Variants in TEX14 observed in about 807,000 individuals in gnomAD.
TEX14 encodes testis expressed 14, intercellular bridge forming factor, also known as inactive serine/threonine-protein kinase TEX14.
A neutral mutation model predicts 178.6 loss-of-function variants in TEX14; 168 were observed. The observed-to-expected ratio is 0.94, with a 90% CI of 0.83 to 1.07. The LOEUF is 1.07. Ranked by LOEUF, TEX14 falls within the 50% of genes least tolerant of loss-of-function variation. The pLI, the probability that TEX14 is intolerant of heterozygous loss-of-function variation, is 0.00. For synonymous variants in TEX14, 626 were observed against 634.1 expected, an observed-to-expected ratio of 0.99 and a Z score of 0.19; for missense variants, 1,730 against 1,753.6, an observed-to-expected ratio of 0.99 and a Z score of 0.24.
At chr17:58,678,252 T>G (rs28380401) in intron 1 of TEX14, among the ~76,000 whole-genome samples, 13,943 of 152,250 alleles carry the variant, frequency 0.092, 934 homozygotes, top group East Asian at 0.31. Context: ...GGAAGGACAC[T>G]GGAAGACAGT....
intron 1 of TEX14, among the ~76,000 whole-genome samples, chr17:58,666,154 C>T (rs2047199586): frequency 6.6e-6 from 1 of 151,892 alleles, no homozygotes; most frequent in South Asian, 2.1e-4. Context: ...ACCAGCCTTG[C>T]CAACATGGTA....
chr17:58,606,949 C>T (rs1376703314), intron 10 of TEX14, among the ~76,000 whole-genome samples: 4 of 142,800 alleles, frequency 2.8e-5, no homozygotes, highest in East Asian at 2.1e-4. Flanking sequence ...TGCTTGAATC[C>T]GGGAGGCAGA....
intron 1 of TEX14, chr17:58,666,458 C>CAAACAAAAA (rs1555583923): frequency 3.0e-4 from 11 of 36,814 alleles, no homozygotes; most frequent in Middle Eastern, 0.024. Context: ...CCTTCCACGG[C>CAAACAAAAA]AAAAAAAAAA....
At chr17:58,680,223 G>A (rs302864) in intron 1 of TEX14, among the ~76,000 whole-genome samples, 9,254 of 152,052 alleles carry the variant, frequency 0.061, 414 homozygotes, top group Non-Finnish European at 0.094. Context: ...GCTTTCTTGC[G>A]CAGTTAAACA....
chr17:58,614,643 T>C (rs1359373914), intron 8 of TEX14, among the ~76,000 whole-genome samples: 1 of 152,242 alleles, frequency 6.6e-6, no homozygotes, highest in Non-Finnish European at 1.5e-5. Flanking sequence ...AAGAAGAATG[T>C]GGCCTCTCTA....
intron 2 of TEX14, among the ~76,000 whole-genome samples, chr17:58,636,702 C>T (rs2046440040): frequency 6.6e-6 from 1 of 151,546 alleles, no homozygotes; most frequent in South Asian, 2.1e-4. Context: ...CACCCGAGGT[C>T]AGGAGTTCAA....
chr17:58,604,911 C>T, intron 11 of TEX14, 67 bp downstream of exon 11: 2 of 1,557,892 alleles, frequency 1.3e-6, no homozygotes. Flanking sequence ...TCAGTAACTC[C>T]TGTGGGGGGA....
At position 58,558,454 on chromosome 17, in the gene TEX14, AAAGT is replaced by A. The variant is rs796157841; in HGVS notation, c.4268-608_4268-605del. 5.9e-4 allele frequency among the ~76,000 whole-genome samples: 90 copies of A among 152,316 alleles called. 1 individual carries two copies. The highest frequency in any genetic ancestry group is 2.1e-3 in the African/African-American group (86 of 41,578). On this transcript the variant is annotated intron_variant, in intron 30 of 31. Transcript: ENST00000349033. The stretch of plus-strand genomic sequence containing the variant: ...AAGGTGCTGAAGTAAGCAGTGAGGC[AAAGT>A]AATACCCCAAATTCTCTCTAGCCCC...
chr17:58,589,098 C>T (rs1483284599), intron 15 of TEX14, among the ~76,000 whole-genome samples: 1 of 151,758 alleles, frequency 6.6e-6, no homozygotes, highest in African/African-American at 2.4e-5. Flanking sequence ...AAACTCTATA[C>T]TAAAAAAACA....
chr17:58,631,465 A>G (rs1446968797), intron 2 of TEX14, among the ~76,000 whole-genome samples: 1 of 152,168 alleles, frequency 6.6e-6, no homozygotes, highest in Non-Finnish European at 1.5e-5. Flanking sequence ...AAAAATGCAC[A>G]TATCTCACAT....
At chr17:58,669,088 A>C (rs1056998917) in intron 1 of TEX14, among the ~76,000 whole-genome samples, 3 of 152,210 alleles carry the variant, frequency 2.0e-5, no homozygotes, top group African/African-American at 7.2e-5. Flanking sequence ...ACAGTGGCTC[A>C]TGCCTATAAT....
In TEX14 at chr17:58,611,236, G is replaced by A. The variant is rs1400290370; in HGVS notation, c.1109C>T (p.Ser370Phe). 6.2e-7 allele frequency: 1 copy of A among 1,613,906 alleles called. No individual in the cohort carries two copies. Among genetic ancestry groups the A allele is most frequent in the Non-Finnish European group, 8.5e-7 (1 of 1,179,824 alleles). ...YLHFQGFIHR[S>F]LSSYAVHIIS... ...GATATGGACAGCATAGGAGCTGAGG[G>A]AGCGGTGGATAAACCCCTGGAAATG... The change falls in exon 10 of 32, where the codon TCC becomes TTC. Residue 370 changes from serine (S) to phenylalanine (F), a missense_variant. Physicochemically the swap from Ser to Phe is radical, Grantham distance 155. This residue lies in a region of TEX14 where 789 missense variants were observed against 681.2 expected (regional missense o/e 1.16). Coordinates refer to ENST00000349033, the MANE Select transcript of TEX14 (RefSeq NM_031272.5).
At position 58,564,965 on chromosome 17, in the gene TEX14, T is replaced by C; in HGVS notation, c.3968A>G (p.Gln1323Arg). 1 of 1,580,324 alleles carries C rather than the reference T, an allele frequency of 6.3e-7. No homozygotes were observed. The highest frequency in any genetic ancestry group is 8.6e-7 in the Non-Finnish European group (1 of 1,159,068). The change falls in exon 28 of 32, where the codon CAA becomes CGA. Residue 1323 changes from glutamine (Q) to arginine (R), a missense_variant. Gln to Arg is a conservative substitution (Grantham distance 43). Around this residue, in one of 2 missense-constraint regions of TEX14, gnomAD observed 941 missense variants for 1,072.4 expected, o/e 0.88. Transcript: ENST00000349033. Reference protein sequence around the residue: ...ASDGGGTANDQRHLEEQETDS... With the variant: ...ASDGGGTANDRRHLEEQETDS... Reference sequence around the variant, plus strand: ...AGTTTCTTGTTCTTCTAAGTGCCTTTGATCTAAAAACAGTTGAAAGAATTA... The same window carrying C: ...AGTTTCTTGTTCTTCTAAGTGCCTTCGATCTAAAAACAGTTGAAAGAATTA...
chr17:58,661,756 A>G (rs2047116746), intron 1 of TEX14: 1 of 557,100 alleles, frequency 1.8e-6, no homozygotes, highest in East Asian at 3.0e-5. Context: ...AAGGCAACGG[A>G]GTCGGTTGTG....
intron 2 of TEX14, among the ~76,000 whole-genome samples, chr17:58,643,762 A>C (rs138800312): frequency 0.012 from 1,870 of 150,264 alleles, 11 homozygotes; most frequent in Middle Eastern, 0.038. Context: ...AACCCAGCTA[A>C]TAGGGAGGCT....
At chr17:58,675,787 G>T (rs916554542) in intron 1 of TEX14, among the ~76,000 whole-genome samples, 2 of 152,098 alleles carry the variant, frequency 1.3e-5, no homozygotes, top group Non-Finnish European at 2.9e-5. Flanking sequence ...TTTCCAAAAG[G>T]ATTTCCTTTA....
intron 1 of TEX14, among the ~76,000 whole-genome samples, chr17:58,668,818 C>T (rs894131542): frequency 6.6e-5 from 10 of 152,104 alleles, no homozygotes; most frequent in Non-Finnish European, 8.8e-5. Context: ...CTCTAGTCAC[C>T]CACCCTAACA....
chr17:58,663,131 C>T (rs2047146950), intron 1 of TEX14, among the ~76,000 whole-genome samples: 1 of 146,128 alleles, frequency 6.8e-6, no homozygotes, highest in African/African-American at 2.5e-5. Flanking sequence ...AAAGAAAAGT[C>T]ATTAATGTTG....
intron 1 of TEX14, among the ~76,000 whole-genome samples, chr17:58,659,140 C>T (rs767957949): frequency 6.6e-6 from 1 of 152,160 alleles, no homozygotes; most frequent in Non-Finnish European, 1.5e-5. Context: ...TAAACTAGTT[C>T]AATCACAGGA....
Sources: allele counts gnomAD v4.1 joint callset (sites outside exome capture counted in the v4.1 genomes callset), GRCh38; gene constraint gnomAD v4.1.1; regional missense constraint gnomAD v4.1.1; transcripts MANE v1.5; gene names NCBI Gene and HGNC (gene_info 2026-07-23, HGNC 2026-07-21).